RPS6KC1: variants seen among roughly 807,000 people sequenced by gnomAD.
RPS6KC1 encodes the protein ribosomal protein S6 kinase C1.
A neutral mutation model predicts 103.8 loss-of-function variants in RPS6KC1; 54 were observed. That is an observed-to-expected ratio of 0.52 (90% CI 0.42 to 0.65). The LOEUF is 0.65. Ranked by LOEUF, RPS6KC1 falls within the 30% of genes least tolerant of loss-of-function variation. RPS6KC1 has a pLI of 0.00. For missense variants in RPS6KC1, 1,151 were observed against 1,253.8 expected (o/e 0.92, Z 1.24); for synonymous variants, 439 against 438.7 (o/e 1.00, Z -0.01).
the RPS6KC1 span, among the ~76,000 whole-genome samples, chr1:213,796,227 C>A: frequency 1.3e-5 from 2 of 152,158 alleles, no homozygotes; most frequent in Admixed American, 6.5e-5. Flanking sequence ...CTTTCTGATC[C>A]TTGAGTTCTC....
At chr1:213,490,582 G>A in the RPS6KC1 span, among the ~76,000 whole-genome samples, 13 of 152,188 alleles carry the variant, frequency 8.5e-5, no homozygotes, top group Non-Finnish European at 1.8e-4. Context: ...TTCTAAAAAG[G>A]CCTGGAGTGC....
chr1:213,719,095 C>G, the RPS6KC1 span, among the ~76,000 whole-genome samples: 1 of 152,270 alleles, frequency 6.6e-6, no homozygotes, highest in African/African-American at 2.4e-5. Context: ...AGGTTGTTGG[C>G]TGAACAAATG....
the RPS6KC1 span, among the ~76,000 whole-genome samples, chr1:213,789,375 C>T: frequency 6.6e-6 from 1 of 152,154 alleles, no homozygotes; most frequent in Non-Finnish European, 1.5e-5. Context: ...TGCATGATGG[C>T]ACAGCCTCTG....
rs148077572 is a variant in RPS6KC1, at chr1:213,237,831, A to T, written c.1226-2871A>T. On this transcript the variant is annotated intron_variant, in intron 10 of 14. Coordinates refer to ENST00000366960, the MANE Select transcript of RPS6KC1 (RefSeq NM_012424.6). ...AAAGACTTAGAAAAGTATCATTTAC[A>T]GTCTTAGAGTGTTAAAAATTAGACA... is the stretch of plus-strand genomic sequence containing the variant. Among the ~76,000 whole-genome samples, 521 of 152,250 alleles carry T rather than the reference A, an allele frequency of 3.4e-3. 5 individuals carry two copies. The highest frequency in any genetic ancestry group is 0.012 in the African/African-American group (502 of 41,568).
intron 3 of RPS6KC1, among the ~76,000 whole-genome samples, chr1:213,101,960 T>C (rs1176202531): frequency 6.6e-6 from 1 of 152,202 alleles, no homozygotes; most frequent in Non-Finnish European, 1.5e-5. Context: ...GTTTTACCTA[T>C]TGGGGTTCTT....
chr1:213,193,410 C>T (rs2092823407), intron 8 of RPS6KC1, among the ~76,000 whole-genome samples: 1 of 152,146 alleles, frequency 6.6e-6, no homozygotes, highest in Admixed American at 6.6e-5. Context: ...AGGCACATGC[C>T]ACCATGCCTG....
chr1:213,441,886 T>C, the RPS6KC1 span, among the ~76,000 whole-genome samples: 17 of 152,276 alleles, frequency 1.1e-4, no homozygotes, highest in African/African-American at 3.9e-4. Context: ...TTTGAGGTGA[T>C]GGTTATGTTA....
At chr1:213,396,954 T>C in the RPS6KC1 span, among the ~76,000 whole-genome samples, 4 of 152,208 alleles carry the variant, frequency 2.6e-5, no homozygotes, top group African/African-American at 9.6e-5. Context: ...CTCATGGGTC[T>C]TGCCAGGGTC....
intron 12 of RPS6KC1, among the ~76,000 whole-genome samples, chr1:213,246,802 C>A (rs2094461605): frequency 6.6e-6 from 1 of 151,708 alleles, no homozygotes; most frequent in South Asian, 2.1e-4. Flanking sequence ...TTGCTTGAGG[C>A]TGTGAGTATG....
At chr1:213,859,650 G>A in the RPS6KC1 span, among the ~76,000 whole-genome samples, 6 of 152,226 alleles carry the variant, frequency 3.9e-5, no homozygotes, top group South Asian at 1.0e-3. Flanking sequence ...TCTGACTCCC[G>A]TTCTAGATGG....
chr1:213,820,049 G>A, the RPS6KC1 span: 745 of 152,304 alleles, frequency 4.9e-3, 7 homozygotes, highest in Non-Finnish European at 8.1e-3. Flanking sequence ...GGCGGCAGGG[G>A]GAGCTTCTTG....
At chr1:213,423,374 G>T in the RPS6KC1 span, among the ~76,000 whole-genome samples, 5 of 152,090 alleles carry the variant, frequency 3.3e-5, no homozygotes, top group Non-Finnish European at 2.9e-5. Flanking sequence ...ATTTCTCTGG[G>T]CAACTCCCTC....
At chr1:213,771,322 G>A in the RPS6KC1 span, among the ~76,000 whole-genome samples, 1 of 152,132 alleles carries the variant, frequency 6.6e-6, no homozygotes, top group Non-Finnish European at 1.5e-5. Context: ...AAGAGGGGAG[G>A]GGGTGGTTAA....
chr1:213,385,517 G>A, the RPS6KC1 span, among the ~76,000 whole-genome samples: 2 of 152,186 alleles, frequency 1.3e-5, no homozygotes, highest in Non-Finnish European at 2.9e-5. Flanking sequence ...GGTGGAGGAT[G>A]TTATAGGCAA....
At chr1:213,556,982 CA>C in the RPS6KC1 span, among the ~76,000 whole-genome samples, 2 of 152,164 alleles carry the variant, frequency 1.3e-5, 1 homozygote, top group South Asian at 4.1e-4. Context: ...TAGGACTAAA[CA>C]GTGGAAGAGA....
At chr1:213,126,680 A>ATTTTTTT (rs2148970929) in intron 5 of RPS6KC1, among the ~76,000 whole-genome samples, 1 of 152,300 alleles carries the variant, frequency 6.6e-6, no homozygotes, top group East Asian at 1.9e-4. Context: ...TAAATAGTTA[A>ATTTTTTT]AAAAATTAAA....
chr1:213,580,627 A>G, the RPS6KC1 span, among the ~76,000 whole-genome samples: 1 of 151,964 alleles, frequency 6.6e-6, no homozygotes, highest in Non-Finnish European at 1.5e-5. Context: ...TTATTGTCTT[A>G]TTTTAAGAAA....
the RPS6KC1 span, among the ~76,000 whole-genome samples, chr1:213,750,136 G>A: frequency 1.3e-5 from 2 of 152,148 alleles, no homozygotes; most frequent in African/African-American, 2.4e-5. Context: ...TACTTTGTTC[G>A]GGGGTTAGGG....
chr1:213,447,309 C>A, the RPS6KC1 span, among the ~76,000 whole-genome samples: 4 of 152,084 alleles, frequency 2.6e-5, no homozygotes, highest in Non-Finnish European at 5.9e-5. Flanking sequence ...CTCAAGCGAT[C>A]CTCACACCTT....
Sources: gnomAD v4.1 joint callset for allele counts (sites outside exome capture counted in the v4.1 genomes callset) on GRCh38, gnomAD v4.1.1 for gene constraint, MANE v1.5 for transcripts, NCBI Gene and HGNC (gene_info 2026-07-23, HGNC 2026-07-21) for gene names.